ZSCAN1: variants seen among roughly 807,000 people sequenced by gnomAD.
ZSCAN1 encodes zinc finger and SCAN domain containing 1, also known as zinc finger and SCAN domain-containing protein 1.
Under a neutral mutation model 23.8 loss-of-function variants are expected in ZSCAN1, and 23 were observed. That is an observed-to-expected ratio of 0.97 (90% CI 0.70 to 1.37). ZSCAN1 has a LOEUF of 1.37. Among genes scored for constraint, ZSCAN1 ranks in the 40% most tolerant of loss-of-function variants. ZSCAN1 has a pLI of 0.00. For missense variants in ZSCAN1, 575 were observed against 554.0 expected, an observed-to-expected ratio of 1.04 and a Z score of -0.38; for synonymous variants, 236 against 232.3, an observed-to-expected ratio of 1.02 and a Z score of -0.15.
At chr19:58,042,263 CTT>C (rs1011122770) in intron 4 of ZSCAN1, among the ~76,000 whole-genome samples, 19 of 140,086 alleles carry the variant, frequency 1.4e-4, no homozygotes, top group Admixed American at 1.4e-4. Flanking sequence ...TTCTACTTTA[CTT>C]TTTTTTTTTT....
downstream of ZSCAN1, among the ~76,000 whole-genome samples, chr19:58,054,972 A>T (rs931475668): frequency 6.6e-6 from 1 of 152,108 alleles, no homozygotes; most frequent in Non-Finnish European, 1.5e-5. This position sits in a 1 kb window ranked among gnomAD's most constrained non-coding sequence, Gnocchi z 4.2. Context: ...GCTGGAGCAG[A>T]GTGTGGGCAG....
chr19:58,054,794 AGTCTTT>A, downstream of ZSCAN1, among the ~76,000 whole-genome samples: 1 of 152,172 alleles, frequency 6.6e-6, no homozygotes. This position sits in a 1 kb window ranked among gnomAD's most constrained non-coding sequence, Gnocchi z 4.2. Context: ...TTTCAGGCGC[AGTCTTT>A]AGGCCTGACC....
Position 58,045,469 on chromosome 19 carries a change from C to T in ZSCAN1, c.465+4925C>T, listed in dbSNP as rs2073819103. On this transcript the variant is annotated intron_variant, in intron 4 of 5. Coordinates refer to ENST00000282326, the MANE Select transcript of ZSCAN1 (RefSeq NM_182572.4). The surrounding 1 kb of genome is among the most constrained non-coding windows in gnomAD (Gnocchi z 4.3). Reference sequence around the variant, plus strand: ...GTGTTTTTCCAGAAGATCCGGGAGACGGGGGAGAGGCCCAGCAATGAGGAA... The same window carrying T: ...GTGTTTTTCCAGAAGATCCGGGAGATGGGGGAGAGGCCCAGCAATGAGGAA... 10 of 1,256,610 alleles carry T rather than the reference C, an allele frequency of 8.0e-6. No individual in the cohort carries two copies. Among genetic ancestry groups the T allele is most frequent in the Admixed American group, 1.7e-5 (1 of 59,554 alleles). 77.8% of individuals were successfully genotyped at this position (1,256,610 alleles called of 1,614,324 possible).
At chr19:58,051,392 A>T (rs1195924646) in intron 4 of ZSCAN1, among the ~76,000 whole-genome samples, 1 of 152,188 alleles carries the variant, frequency 6.6e-6, no homozygotes. Context: ...ACCCAGCCAA[A>T]CACACCATCC....
At chr19:58,042,761 G>A (rs148714067) in intron 4 of ZSCAN1, among the ~76,000 whole-genome samples, 13 of 152,278 alleles carry the variant, frequency 8.5e-5, no homozygotes, top group African/African-American at 3.1e-4. Flanking sequence ...CGCGCTCACA[G>A]GCCATCCCCT....
In ZSCAN1 at chr19:58,050,201, G is replaced by A. The variant is rs182384490; in HGVS notation, c.466-2289G>A. Among the ~76,000 whole-genome samples the A allele has an allele frequency of 2.3e-3, 353 of 152,006 alleles. 2 individuals carry two copies. The highest frequency in any genetic ancestry group is 2.4e-3 in the Non-Finnish European group (163 of 67,984). ...TGTAATCCCAGCACTTTGGGAGGCC[G>A]AGGTGGGTGGATCACTAGAGGTCAG... On this transcript the variant is annotated intron_variant, in intron 4 of 5. Coordinates refer to ENST00000282326, the MANE Select transcript of ZSCAN1 (RefSeq NM_182572.4).
chr19:58,036,286 G>A (rs576430253), intron 2 of ZSCAN1, among the ~76,000 whole-genome samples: 2 of 152,124 alleles, frequency 1.3e-5, no homozygotes, highest in Non-Finnish European at 2.9e-5. Context: ...CATCTTGCAC[G>A]CAGTCTACCA....
intron 4 of ZSCAN1, 65 bp from the exon 5 acceptor site, chr19:58,052,425 G>A (rs1192762815): frequency 5.0e-6 from 8 of 1,609,782 alleles, no homozygotes; most frequent in Non-Finnish European, 6.8e-6. Flanking sequence ...TTGGTTGTTC[G>A]GTGGTGGTGG....
At position 58,049,408 on chromosome 19, in the gene ZSCAN1, T is replaced by C. The variant is rs1181569549; in HGVS notation, c.466-3082T>C. 1 of 152,380 alleles carries C rather than the reference T, an allele frequency of 6.6e-6. No individual in the cohort carries two copies. Among genetic ancestry groups the C allele is most frequent in the African/African-American group, 2.4e-5 (1 of 41,470 alleles). 9.4% of individuals were successfully genotyped at this position (152,380 alleles called of 1,614,324 possible). A position where few individuals can be genotyped will look rare whatever the true frequency, so the allele number is the denominator to read the frequency against. On this transcript the variant is annotated intron_variant, in intron 4 of 5. Coordinates refer to ENST00000282326, the MANE Select transcript of ZSCAN1 (RefSeq NM_182572.4). The surrounding 1 kb of genome is among the most constrained non-coding windows in gnomAD (Gnocchi z 4.5). ...GGCAGATCTTGGATCCCTCTGCGAT[T>C]TCCTCTGTATTGGTTGTGGTACTCA...
intron 5 of ZSCAN1, among the ~76,000 whole-genome samples, chr19:58,052,853 G>A (rs533958916): frequency 1.3e-5 from 2 of 152,266 alleles, no homozygotes; most frequent in South Asian, 2.1e-4. Context: ...GCACCTGAAC[G>A]GCAGCCAAGG....
intron 4 of ZSCAN1, among the ~76,000 whole-genome samples, chr19:58,043,509 G>C (rs776201478): frequency 6.6e-6 from 1 of 152,226 alleles, no homozygotes; most frequent in East Asian, 1.9e-4. Context: ...TGCTCTGGGT[G>C]AGTCTGAGTG....
Position 58,037,883 on chromosome 19 carries a change from C to T in ZSCAN1, c.47C>T (p.Thr16Ile), listed in dbSNP as rs975535212. 1.3e-6 allele frequency: 2 copies of T among 1,565,090 alleles called. No homozygotes were observed. Among genetic ancestry groups the T allele is most frequent in the Non-Finnish European group, 1.7e-6 (2 of 1,159,050 alleles). Residue 16 changes from threonine to isoleucine, a missense_variant, in exon 3 of 6, where the codon ACC becomes ATC. By Grantham distance (89) the Thr-to-Ile change is moderately conservative (BLOSUM62 -1). Coordinates refer to ENST00000282326, the MANE Select transcript of ZSCAN1 (RefSeq NM_182572.4). Reference protein sequence around the residue: ...KAPASPRRPQTPTPSEQDADP... With the variant: ...KAPASPRRPQIPTPSEQDADP... Reference sequence around the variant, plus strand: ...CCTGCCTCCCCCAGACGCCCCCAGACCCCAACCCCGAGTGAGCAGGACGCA... The same window carrying T: ...CCTGCCTCCCCCAGACGCCCCCAGATCCCAACCCCGAGTGAGCAGGACGCA...
At chr19:58,052,933 C>T (rs1461857063) in intron 5 of ZSCAN1, among the ~76,000 whole-genome samples, 1 of 149,342 alleles carries the variant, frequency 6.7e-6, no homozygotes, top group East Asian at 2.0e-4. Flanking sequence ...AGGGCCAGTG[C>T]TGTGGGATCT....
intron 1 of ZSCAN1, among the ~76,000 whole-genome samples, chr19:58,035,732 T>C (rs1206365974): frequency 6.6e-6 from 1 of 152,202 alleles, no homozygotes; most frequent in African/African-American, 2.4e-5. Flanking sequence ...GACTCGAAGA[T>C]GGCTGGCTGG....
At chr19:58,046,444 A>T (rs1458362231) in intron 4 of ZSCAN1, 1 of 842,662 alleles carries the variant, frequency 1.2e-6, no homozygotes, top group Non-Finnish European at 2.1e-6. Flanking sequence ...GCAGCTGGAG[A>T]TGGACCAGTG....
rs1026275686 is a variant in ZSCAN1 at position 58,040,735 on chromosome 19, G to A, written c.465+191G>A. ...TTCCTGGGGCTCAGTGCTGGGCGAG[G>A]GCAGTCAGTGCAGCTGTGTGTTTGC... On this transcript the variant is annotated intron_variant, in intron 4 of 5. Coordinates refer to ENST00000282326, the MANE Select transcript of ZSCAN1 (RefSeq NM_182572.4). This position sits in a 1 kb window ranked among gnomAD's most constrained non-coding sequence, Gnocchi z 5.8. Among the ~76,000 whole-genome samples, 1 of 152,196 alleles carries A rather than the reference G, an allele frequency of 6.6e-6. No individual in the cohort carries two copies. The highest frequency in any genetic ancestry group is 1.5e-5 in the Non-Finnish European group (1 of 68,034).
At position 58,053,581 on chromosome 19, in the gene ZSCAN1, AG is replaced by A; in HGVS notation, c.759del (p.Asn254ThrfsTer28). ...GAGAATCAGTCCCCGAAGGAGAAAC[AG>A]GAACACTGACCAGAGCGGCCGCCAC... is the stretch of plus-strand genomic sequence containing the variant. ...AQRISPRRRN[R>X]NTDQSGRHQP... On this transcript the variant is annotated frameshift_variant, in exon 6 of 6. Coordinates refer to ENST00000282326, the MANE Select transcript of ZSCAN1 (RefSeq NM_182572.4). LOFTEE classifies it low-confidence loss of function (END_TRUNC). This position sits in a 1 kb window ranked among gnomAD's most constrained non-coding sequence, Gnocchi z 5.8. 6.2e-7 allele frequency: 1 copy of A among 1,614,156 alleles called. No homozygotes were observed. Among genetic ancestry groups the A allele is most frequent in the Non-Finnish European group, 8.5e-7 (1 of 1,180,020 alleles).
At chr19:58,046,721 G>C (rs2073828790) in intron 4 of ZSCAN1, 1 of 805,550 alleles carries the variant, frequency 1.2e-6, no homozygotes, top group Admixed American at 1.8e-5. Context: ...GAGGAGAAAG[G>C]GTGGAGAAGG....
chr19:58,038,234 GC>G (rs2073755612), intron 3 of ZSCAN1, 28 bp downstream of exon 3: 2 of 1,579,860 alleles, frequency 1.3e-6, no homozygotes, highest in Non-Finnish European at 8.6e-7. Context: ...CCTGCCCCGG[GC>G]CGGGCCAGGG....
Sources: allele counts gnomAD v4.1 joint callset (sites outside exome capture counted in the v4.1 genomes callset), GRCh38; gene constraint gnomAD v4.1.1; non-coding constraint Gnocchi (gnomAD v3.1); transcripts MANE v1.5; gene names NCBI Gene and HGNC (gene_info 2026-07-23, HGNC 2026-07-21).